TENM3: variants seen among roughly 807,000 people sequenced by gnomAD.
The protein encoded by TENM3 is teneurin-3.
Under a neutral mutation model 255.1 loss-of-function variants are expected in TENM3, and 63 were observed. The ratio of observed to expected loss-of-function variants is 0.25; its 90% CI spans 0.20 to 0.30. The LOEUF is 0.30. TENM3 is among the 10% of genes least tolerant of loss of function. The pLI is 1.00. For synonymous variants in TENM3, 1,306 were observed against 1,322.3 expected, an observed-to-expected ratio of 0.99 and a Z score of 0.27; for missense variants, 2,929 against 3,461.1, an observed-to-expected ratio of 0.85 and a Z score of 3.86.
rs1324480533 is a variant in TENM3 at position 182,324,186 on chromosome 4, C to T, written c.166C>T (p.Arg56Trp). The change falls in exon 2 of 28, where the codon CGG (arginine) becomes TGG (tryptophan). Residue 56 changes from arginine to tryptophan, a missense_variant. Arg to Trp is a moderately radical substitution (Grantham distance 101). Coordinates refer to ENST00000511685, the MANE Select transcript of TENM3 (RefSeq NM_001080477.4). ...TLKAFDHDSS[R>W]LLYGNRVKDL... The stretch of plus-strand genomic sequence containing the variant: ...GAAAGCTTTTGATCATGATTCCTCG[C>T]GGCTGCTTTACGGCAACAGAGTGAA... 7 of 1,613,942 alleles carry T rather than the reference C, an allele frequency of 4.3e-6. No homozygotes were observed. Among genetic ancestry groups the T allele is most frequent in the African/African-American group, 1.3e-5 (1 of 75,034 alleles).
chr4:181,920,005 T>C, the TENM3 span, among the ~76,000 whole-genome samples: 4 of 151,382 alleles, frequency 2.6e-5, no homozygotes, highest in Admixed American at 2.0e-4. Context: ...GTTCTTGCGA[T>C]AGTTTACTGA....
At chr4:182,051,812 A>T in the TENM3 span, among the ~76,000 whole-genome samples, 1 of 152,144 alleles carries the variant, frequency 6.6e-6, no homozygotes, top group Non-Finnish European at 1.5e-5. Context: ...AAGATTTCAG[A>T]AGTTTTAATA....
chr4:182,081,007 G>A, the TENM3 span, among the ~76,000 whole-genome samples: 2 of 151,776 alleles, frequency 1.3e-5, no homozygotes, highest in African/African-American at 2.4e-5. Context: ...AAACAAAGAC[G>A]ACTAAGTATC....
At chr4:182,674,590 G>T (rs566770290) in intron 7 of TENM3, among the ~76,000 whole-genome samples, 33 of 151,748 alleles carry the variant, frequency 2.2e-4, no homozygotes, top group African/African-American at 7.5e-4. Context: ...TTTGTTTTTT[G>T]TTTGAGACAG....
intron 1 of TENM3, among the ~76,000 whole-genome samples, chr4:182,270,275 T>C (rs1759528917): frequency 1.3e-5 from 2 of 152,188 alleles, no homozygotes; most frequent in Admixed American, 1.3e-4. Context: ...TAGATGCTAA[T>C]TCCCCCCATG....
intron 5 of TENM3, among the ~76,000 whole-genome samples, chr4:182,637,181 T>A (rs895387534): frequency 6.6e-6 from 1 of 152,192 alleles, no homozygotes; most frequent in Non-Finnish European, 1.5e-5. Context: ...CATAAAACCT[T>A]TAAGTTTCAT....
the TENM3 span, among the ~76,000 whole-genome samples, chr4:181,801,675 T>C: frequency 1.3e-5 from 1 of 74,280 alleles, no homozygotes; most frequent in East Asian, 3.1e-4. Flanking sequence ...TATATATATA[T>C]ATATATATAT....
At chr4:181,546,904 G>A in the TENM3 span, among the ~76,000 whole-genome samples, 1 of 151,794 alleles carries the variant, frequency 6.6e-6, no homozygotes, top group African/African-American at 2.4e-5. Context: ...TTTGTGTATT[G>A]GGGAAGGGAT....
At chr4:182,132,679 T>C in the TENM3 span, among the ~76,000 whole-genome samples, 8 of 152,200 alleles carry the variant, frequency 5.3e-5, no homozygotes, top group East Asian at 9.6e-4. Context: ...GGAATTCACA[T>C]TGGCGTGTAT....
At chr4:182,695,073 C>G (rs1252766512) in intron 12 of TENM3, among the ~76,000 whole-genome samples, 1 of 152,108 alleles carries the variant, frequency 6.6e-6, no homozygotes, top group Non-Finnish European at 1.5e-5. Context: ...CTAAAAATAT[C>G]TTTTTAGATT....
At chr4:182,094,244 T>G in the TENM3 span, among the ~76,000 whole-genome samples, 1 of 151,450 alleles carries the variant, frequency 6.6e-6, no homozygotes, top group Non-Finnish European at 1.5e-5. Context: ...CCAGACTCAT[T>G]CTTTACTTTT....
chr4:182,525,090 G>A (rs748627107), intron 3 of TENM3, among the ~76,000 whole-genome samples: 2 of 152,116 alleles, frequency 1.3e-5, no homozygotes, highest in African/African-American at 2.4e-5. Context: ...CAAAGACCCA[G>A]GAGGTGCACA....
intron 1 of TENM3, among the ~76,000 whole-genome samples, chr4:182,163,553 C>T (rs372692813): frequency 2.6e-5 from 4 of 152,156 alleles, no homozygotes; most frequent in African/African-American, 2.4e-5. Flanking sequence ...CTCTTTCTGC[C>T]CCCATGCTGC....
At chr4:181,900,877 A>G in the TENM3 span, among the ~76,000 whole-genome samples, 5 of 152,216 alleles carry the variant, frequency 3.3e-5, no homozygotes, top group African/African-American at 1.2e-4. Context: ...CAAGTGGCAA[A>G]TCAGTTCAAT....
At chr4:182,296,218 C>T (rs541022235) in intron 1 of TENM3, among the ~76,000 whole-genome samples, 80 of 152,248 alleles carry the variant, frequency 5.3e-4, no homozygotes, top group Non-Finnish European at 2.1e-4. Context: ...CCACCTTGGC[C>T]TCCCAAAGTG....
Position 182,256,831 on chromosome 4 carries a change from A to G in TENM3, c.-76+13355A>G, listed in dbSNP as rs542707097. 6.6e-5 allele frequency among the ~76,000 whole-genome samples: 10 copies of G among 152,242 alleles called. No homozygotes were observed. The South Asian group carries it at 2.1e-3, about 32-fold the overall frequency. ...CAATATAATGCCAAATTAAATGGAA[A>G]TAGTTGTAGGCCAAATTCTGTTGGA... On this transcript the variant is annotated intron_variant, in intron 1 of 27. Coordinates refer to ENST00000511685, the MANE Select transcript of TENM3 (RefSeq NM_001080477.4).
the TENM3 span, among the ~76,000 whole-genome samples, chr4:181,883,401 A>G: frequency 6.6e-6 from 1 of 152,100 alleles, no homozygotes; most frequent in South Asian, 2.1e-4. Flanking sequence ...CATGTCACTG[A>G]TCCAGGTATT....
the TENM3 span, among the ~76,000 whole-genome samples, chr4:181,479,919 T>A: frequency 6.6e-6 from 1 of 152,106 alleles, no homozygotes; most frequent in African/African-American, 2.4e-5. Flanking sequence ...AATTTTCAGT[T>A]CTATGCCGCT....
chr4:181,522,981 A>T, the TENM3 span: 1 of 662,770 alleles, frequency 1.5e-6, no homozygotes, highest in East Asian at 3.1e-5. Context: ...GATGGGTAGG[A>T]TGCATAGGGA....
Sources: allele counts gnomAD v4.1 joint callset (sites outside exome capture counted in the v4.1 genomes callset), GRCh38; gene constraint gnomAD v4.1.1; transcripts MANE v1.5; gene names NCBI Gene and HGNC (gene_info 2026-07-23, HGNC 2026-07-21).